ROCK1: variants seen among roughly 807,000 people sequenced by gnomAD.
ROCK1 encodes the protein Rho associated coiled-coil containing protein kinase 1.
ROCK1 carries 36 observed loss-of-function variants against 196.8 expected under a neutral mutation model. The observed-to-expected ratio is 0.18, with a 90% confidence interval of 0.14 to 0.24. ROCK1 has a LOEUF of 0.24. Ranked by LOEUF, ROCK1 falls within the 10% of genes least tolerant of loss-of-function variation. The pLI is 1.00. For synonymous variants in ROCK1, 443 were observed against 515.9 expected, an observed-to-expected ratio of 0.86 and a Z score of 1.91; for missense variants, 920 against 1,562.0, an observed-to-expected ratio of 0.59 and a Z score of 6.93.
chr18:20,969,021 T>C, intron 24 of ROCK1, 94 bp downstream of exon 24: 1 of 924,066 alleles, frequency 1.1e-6, no homozygotes, highest in Non-Finnish European at 1.7e-6. Context: ...ACTTAATATA[T>C]GAAAACAGGT....
At chr18:21,070,680 G>A in intron 1 of ROCK1, 67 bp from the exon 2 acceptor site, 1 of 954,826 alleles carries the variant, frequency 1.0e-6, no homozygotes, top group Non-Finnish European at 1.6e-6. Context: ...TTTTATGAAA[G>A]AATAAAATAT....
At chr18:20,995,565 T>G (rs1397967428) in intron 16 of ROCK1, among the ~76,000 whole-genome samples, 1 of 152,088 alleles carries the variant, frequency 6.6e-6, no homozygotes, top group African/African-American at 2.4e-5. Context: ...CCCACTGCCC[T>G]GAAGGGAGAG....
At chr18:21,006,622 T>A (rs113427341) in intron 15 of ROCK1, 25 bp from the exon 16 acceptor site, 158 of 1,602,900 alleles carry the variant, frequency 9.9e-5, no homozygotes, top group Non-Finnish European at 1.3e-4. Flanking sequence ...AGCAAAAAAA[T>A]AGGTTTCTGA....
chr18:21,047,242 A>T (rs1477855606), intron 4 of ROCK1, among the ~76,000 whole-genome samples: 1 of 152,208 alleles, frequency 6.6e-6, no homozygotes, highest in Non-Finnish European at 1.5e-5. Context: ...ACGTTCATGT[A>T]TCAGTGGTTG....
chr18:21,006,632 A>G, intron 15 of ROCK1, 35 bp from the exon 16 acceptor site: 2 of 1,600,134 alleles, frequency 1.2e-6, no homozygotes, highest in Admixed American at 3.5e-5. Flanking sequence ...TAGGTTTCTG[A>G]CCAAAGTACG....
intron 2 of ROCK1, among the ~76,000 whole-genome samples, chr18:21,055,884 T>C (rs1018427909): frequency 5.3e-5 from 8 of 152,232 alleles, no homozygotes; most frequent in African/African-American, 1.7e-4. Context: ...TCAAAACTAC[T>C]TGTCAAAGTC....
chr18:21,030,664 A>G (rs2035998023), intron 9 of ROCK1, among the ~76,000 whole-genome samples: 1 of 152,246 alleles, frequency 6.6e-6, no homozygotes, highest in African/African-American at 2.4e-5. Context: ...CTAAATTAAG[A>G]TGCTTAGGCT....
chr18:20,987,938 G>C (rs540171458), intron 18 of ROCK1, among the ~76,000 whole-genome samples: 1 of 152,142 alleles, frequency 6.6e-6, no homozygotes, highest in South Asian at 2.1e-4. Context: ...TCCAGACTTA[G>C]ATACCAATTG....
At chr18:21,098,129 C>A (rs1414546169) in intron 1 of ROCK1, among the ~76,000 whole-genome samples, 1 of 152,138 alleles carries the variant, frequency 6.6e-6, no homozygotes, top group African/African-American at 2.4e-5. Flanking sequence ...GGTGTATGTG[C>A]ATGGGAGAGC....
At chr18:20,988,756 TTA>T (rs1230048733) in intron 18 of ROCK1, among the ~76,000 whole-genome samples, 1 of 152,180 alleles carries the variant, frequency 6.6e-6, no homozygotes, top group Non-Finnish European at 1.5e-5. Context: ...AACAATCATA[TTA>T]ATATGTATTT....
At chr18:20,958,852 T>C (rs1424319811) in intron 29 of ROCK1, among the ~76,000 whole-genome samples, 2 of 133,894 alleles carry the variant, frequency 1.5e-5, no homozygotes, top group Non-Finnish European at 3.1e-5. Context: ...CTATTATTAA[T>C]AGTTATAAAA....
chr18:20,992,238 G>A (rs1051761628), intron 17 of ROCK1, among the ~76,000 whole-genome samples: 3 of 152,116 alleles, frequency 2.0e-5, no homozygotes, highest in African/African-American at 7.2e-5. Context: ...GATAAGTAGT[G>A]GCTTTTCTGA....
At chr18:21,057,913 T>C (rs983261153) in intron 2 of ROCK1, among the ~76,000 whole-genome samples, 5 of 152,184 alleles carry the variant, frequency 3.3e-5, no homozygotes, top group African/African-American at 1.2e-4. Context: ...GGAAATGAGA[T>C]ACAATGTGGG....
intron 1 of ROCK1, among the ~76,000 whole-genome samples, chr18:21,105,880 C>T (rs1050635798): frequency 6.6e-6 from 1 of 150,876 alleles, no homozygotes; most frequent in Non-Finnish European, 1.5e-5. Context: ...AGAGTGAAGA[C>T]AAAGATAAGT....
intron 12 of ROCK1, among the ~76,000 whole-genome samples, chr18:21,015,927 C>A (rs2035858901): frequency 6.6e-6 from 1 of 151,578 alleles, no homozygotes; most frequent in African/African-American, 2.4e-5. Context: ...TTGCAGTGAG[C>A]CGAGATCATG....
intron 12 of ROCK1, among the ~76,000 whole-genome samples, chr18:21,017,364 T>C (rs568081733): frequency 4.3e-4 from 65 of 151,868 alleles, no homozygotes; most frequent in Non-Finnish European, 8.5e-4. Flanking sequence ...GCTAATTTTT[T>C]GTATTTTTAG....
intron 22 of ROCK1, among the ~76,000 whole-genome samples, chr18:20,971,552 G>A (rs2035428519): frequency 6.6e-6 from 1 of 151,634 alleles, no homozygotes; most frequent in Non-Finnish European, 1.5e-5. Context: ...GTCTGCCAAC[G>A]TAGTGGAACC....
chr18:21,082,640 A>T (rs1388685049), intron 1 of ROCK1, among the ~76,000 whole-genome samples: 4 of 152,172 alleles, frequency 2.6e-5, no homozygotes, highest in Non-Finnish European at 4.4e-5. Flanking sequence ...CTCTCATAAT[A>T]AAAAACAATC....
chr18:20,977,000 G>A (rs777506681), intron 22 of ROCK1, among the ~76,000 whole-genome samples: 9 of 151,938 alleles, frequency 5.9e-5, no homozygotes, highest in South Asian at 2.1e-4. Context: ...TTCCTACTTC[G>A]TTTTATGCAC....
Sources: allele counts gnomAD v4.1 joint callset (sites outside exome capture counted in the v4.1 genomes callset), GRCh38; gene constraint gnomAD v4.1.1; transcripts MANE v1.5; gene names NCBI Gene and HGNC (gene_info 2026-07-23, HGNC 2026-07-21).